The following PTPRU variants were observed in gnomAD, a reference collection of about 807,000 sequenced individuals.
PTPRU encodes receptor-type tyrosine-protein phosphatase U.
In PTPRU, 69 loss-of-function variants were observed where a neutral mutation model predicts 166.3. The ratio of observed to expected loss-of-function variants is 0.41; its 90% CI spans 0.34 to 0.51. The LOEUF is 0.51. Among genes scored for constraint, PTPRU ranks in the 20% least tolerant of loss-of-function variants. The probability of loss-of-function intolerance (pLI) is 0.09; values close to 1 mark genes in which losing one functional copy is unlikely to be tolerated. For missense variants in PTPRU, 1,657 were observed against 2,013.7 expected (o/e 0.82, Z 3.39); for synonymous variants, 793 against 814.0 (o/e 0.97, Z 0.44).
Position 29,317,601 on chromosome 1 carries a change from T to C in PTPRU, c.3514-147T>C. The stretch of plus-strand genomic sequence containing the variant: ...ATGGCCTAGAGACAGGGAGTCTGGC[T>C]CCGTGCCCTGTACCCTTCTCTCTGG... On this transcript the variant is annotated intron_variant, in intron 24 of 29. Transcript: ENST00000373779. This position sits in a 1 kb window ranked among gnomAD's most constrained non-coding sequence, Gnocchi z 5.6. The C allele has an allele frequency of 1.1e-6, 1 of 925,264 alleles. No homozygotes were observed. The highest frequency in any genetic ancestry group is 1.6e-6 in the Non-Finnish European group (1 of 630,158). The allele number at this position is 925,264 out of a possible 1,614,324, so 57.3% of individuals were successfully genotyped here. A position where few individuals can be genotyped will look rare whatever the true frequency, so the allele number is the denominator to read the frequency against.
intron 3 of PTPRU, among the ~76,000 whole-genome samples, chr1:29,259,016 G>A (rs935584474): frequency 4.6e-5 from 7 of 152,186 alleles, no homozygotes; most frequent in African/African-American, 1.7e-4. Context: ...TGCTGACCTG[G>A]AAACTCTGTC....
intron 15 of PTPRU, among the ~76,000 whole-genome samples, chr1:29,292,449 G>A (rs1198389362): frequency 6.6e-6 from 1 of 152,156 alleles, no homozygotes; most frequent in East Asian, 1.9e-4. Flanking sequence ...AAGCCCTCTG[G>A]ATGTCTGTTT....
chr1:29,288,510 T>C, intron 14 of PTPRU, among the ~76,000 whole-genome samples: 1 of 152,114 alleles, frequency 6.6e-6, no homozygotes, highest in East Asian at 1.9e-4. Flanking sequence ...TTCAGCCGTG[T>C]CCTCCCTCGT....
intron 1 of PTPRU, among the ~76,000 whole-genome samples, chr1:29,240,908 C>A (rs1308851586): frequency 6.6e-6 from 1 of 152,076 alleles, no homozygotes; most frequent in Non-Finnish European, 1.5e-5. Flanking sequence ...AGCCTCTGTT[C>A]TCACCGCTTG....
At chr1:29,321,636 G>T (rs535097789) in intron 26 of PTPRU, among the ~76,000 whole-genome samples, 5 of 152,172 alleles carry the variant, frequency 3.3e-5, no homozygotes, top group Non-Finnish European at 5.9e-5. Context: ...TTTGATCTAG[G>T]GTAAGTTGAT....
At chr1:29,290,632 T>C (rs1374435844) in intron 14 of PTPRU, among the ~76,000 whole-genome samples, 1 of 152,230 alleles carries the variant, frequency 6.6e-6, no homozygotes, top group Admixed American at 6.5e-5. Flanking sequence ...TAGTGTTTCC[T>C]GACACGAGCT....
At chr1:29,244,730 T>C (rs766922068) in intron 1 of PTPRU, among the ~76,000 whole-genome samples, 5 of 152,060 alleles carry the variant, frequency 3.3e-5, no homozygotes, top group Non-Finnish European at 7.4e-5. Context: ...GAGTTCTCAT[T>C]TGTGGAATGG....
chr1:29,303,322 G>A (rs1192976146), intron 15 of PTPRU, among the ~76,000 whole-genome samples: 1 of 152,242 alleles, frequency 6.6e-6, no homozygotes, highest in Non-Finnish European at 1.5e-5. Flanking sequence ...CCCACTGGCT[G>A]CGGCCCCGCA....
At position 29,236,620 on chromosome 1, in the gene PTPRU, C is replaced by T. The variant is rs1350098471; in HGVS notation, c.-25C>T. ...GGGCGGCGTCCCCCGCGCCGGGCCC[C>T]GGGACGGGCGGCGACGCTCCAACCA... is the stretch of plus-strand genomic sequence containing the variant. On this transcript the variant is annotated 5_prime_UTR_variant, in exon 1 of 30. Coordinates refer to ENST00000373779, the MANE Select transcript of PTPRU (RefSeq NM_133178.4). This position sits in a 1 kb window ranked among gnomAD's most constrained non-coding sequence, Gnocchi z 4.6. 4.9e-6 allele frequency: 6 copies of T among 1,230,754 alleles called. No individual in the cohort carries two copies. The highest frequency in any genetic ancestry group is 6.1e-6 in the Non-Finnish European group (6 of 986,954). The allele number at this position is 1,230,754 out of a possible 1,614,324, so 76.2% of individuals were successfully genotyped here.
intron 1 of PTPRU, among the ~76,000 whole-genome samples, chr1:29,241,766 T>C (rs1211275698): frequency 3.3e-5 from 5 of 150,602 alleles, no homozygotes; most frequent in Non-Finnish European, 7.4e-5. Flanking sequence ...GGCTAATTTT[T>C]GTATTTTTAG....
In PTPRU at chr1:29,291,860, C is replaced by T. The variant is rs372535431; in HGVS notation, c.2319-9C>T. On this transcript the variant is annotated splice_polypyrimidine_tract_variant and intron_variant, in intron 14 of 29. Coordinates refer to ENST00000373779, the MANE Select transcript of PTPRU (RefSeq NM_133178.4). This position sits in a 1 kb window ranked among gnomAD's most constrained non-coding sequence, Gnocchi z 4.1. ...AATGCCTGTGTCTCCCCTCAACCCCCCTCTCCAGGAAGCCGGTGAACATGA... is the reference window on the plus strand; with the variant it reads ...AATGCCTGTGTCTCCCCTCAACCCCTCTCTCCAGGAAGCCGGTGAACATGA... 1.9e-6 allele frequency: 3 copies of T among 1,613,546 alleles called. No homozygotes were observed. The highest frequency in any genetic ancestry group is 1.7e-6 in the Non-Finnish European group (2 of 1,179,748).
chr1:29,288,068 G>A (rs1016985983), intron 14 of PTPRU, among the ~76,000 whole-genome samples: 2 of 152,142 alleles, frequency 1.3e-5, no homozygotes, highest in East Asian at 3.8e-4. Context: ...ACCCGCCTCG[G>A]CCTCCCAAAA....
chr1:29,279,147 G>T lies in PTPRU; in HGVS notation c.1563+26G>T. 6.6e-7 allele frequency: 1 copy of T among 1,521,980 alleles called. No individual in the cohort carries two copies. Among genetic ancestry groups the T allele is most frequent in the Non-Finnish European group, 8.9e-7 (1 of 1,119,162 alleles). The allele number at this position is 1,521,980 out of a possible 1,614,324, so 94.3% of individuals were successfully genotyped here. On this transcript the variant is annotated intron_variant, in intron 9 of 29. Coordinates refer to ENST00000373779, the MANE Select transcript of PTPRU (RefSeq NM_133178.4). This position sits in a 1 kb window ranked among gnomAD's most constrained non-coding sequence, Gnocchi z 5.2. ...GTGGGTTTGGGACCCTATTACAGTG[G>T]GGGACCCTGGTGGAAGGTGAGAGGT...
chr1:29,253,491 C>G (rs907864528), intron 1 of PTPRU, among the ~76,000 whole-genome samples: 5 of 152,082 alleles, frequency 3.3e-5, no homozygotes, highest in African/African-American at 1.2e-4. Flanking sequence ...AATTTTGTTT[C>G]CTGAGGCCTG....
Position 29,260,148 on chromosome 1 carries a change from CG to C in PTPRU, c.850+106del. On this transcript the variant is annotated intron_variant, in intron 6 of 29. Transcript: ENST00000373779. This position sits in a 1 kb window ranked among gnomAD's most constrained non-coding sequence, Gnocchi z 8.3. ...GGGGCGTGGCCGTGGGGGGTGGGGCCGGCAGGGTGTCGCTGGGGCGCTATCT... is the reference window on the plus strand; with the variant it reads ...GGGGCGTGGCCGTGGGGGGTGGGGCCGCAGGGTGTCGCTGGGGCGCTATCT... The C allele has an allele frequency of 8.4e-7, 1 of 1,192,856 alleles. No homozygotes were observed. Among genetic ancestry groups the C allele is most frequent in the Non-Finnish European group, 1.1e-6 (1 of 925,762 alleles). 73.9% of individuals were successfully genotyped at this position (1,192,856 alleles called of 1,614,324 possible).
At chr1:29,295,550 T>A (rs115253728) in intron 15 of PTPRU, among the ~76,000 whole-genome samples, 1 of 152,354 alleles carries the variant, frequency 6.6e-6, no homozygotes, top group African/African-American at 2.4e-5. Flanking sequence ...ATCTTGTACA[T>A]CTTTTTTTAG....
chr1:29,317,671 A>ACCCTCCTTCAT lies in PTPRU; in HGVS notation c.3514-77_3514-76insCCCTCCTTCAT. 6.9e-7 allele frequency: 1 copy of ACCCTCCTTCAT among 1,442,904 alleles called. No homozygotes were observed. Among genetic ancestry groups the ACCCTCCTTCAT allele is most frequent in the Non-Finnish European group, 9.4e-7 (1 of 1,065,764 alleles). The allele number at this position is 1,442,904 out of a possible 1,614,324, so 89.4% of individuals were successfully genotyped here. On this transcript the variant is annotated intron_variant, in intron 24 of 29. Coordinates refer to ENST00000373779, the MANE Select transcript of PTPRU (RefSeq NM_133178.4). This position sits in a 1 kb window ranked among gnomAD's most constrained non-coding sequence, Gnocchi z 5.6. ...TAAAATGGGATTAGTAACTCAGTCC[A>ACCCTCCTTCAT]GCCTCCTTCATGGGGATGTGAGGAG...
At chr1:29,255,734 T>C (rs1461787283) in intron 2 of PTPRU, among the ~76,000 whole-genome samples, 1 of 152,194 alleles carries the variant, frequency 6.6e-6, no homozygotes, top group Non-Finnish European at 1.5e-5. Flanking sequence ...GAGGCTCTCT[T>C]CAGAGATTCT....
intron 1 of PTPRU, among the ~76,000 whole-genome samples, chr1:29,239,856 T>A (rs1683962049): frequency 6.6e-6 from 1 of 152,128 alleles, no homozygotes; most frequent in South Asian, 2.1e-4. Flanking sequence ...GTGCCAGGGA[T>A]CTTTGTAAAG....
Sources: allele counts gnomAD v4.1 joint callset (sites outside exome capture counted in the v4.1 genomes callset), GRCh38; gene constraint gnomAD v4.1.1; non-coding constraint Gnocchi (gnomAD v3.1); transcripts MANE v1.5; gene names NCBI Gene and HGNC (gene_info 2026-07-23, HGNC 2026-07-21).